The following XPC variants were observed in gnomAD, a reference collection of about 807,000 sequenced individuals.
The protein encoded by XPC is XPC complex subunit, DNA damage recognition and repair factor.
Under a neutral mutation model 95.8 loss-of-function variants are expected in XPC, and 76 were observed. The ratio of observed to expected loss-of-function variants is 0.79; its 90% CI spans 0.66 to 0.96. XPC has a LOEUF of 0.96. XPC is among the 40% of genes least tolerant of loss of function. The pLI is 0.00. For missense variants in XPC, 1,146 were observed against 1,179.8 expected (o/e 0.97, Z 0.42); for synonymous variants, 442 against 442.1 (o/e 1.00, Z 0.00).
intron 4 of XPC, among the ~76,000 whole-genome samples, chr3:14,167,907 G>C (rs1206736339): frequency 2.6e-5 from 4 of 152,310 alleles, no homozygotes; most frequent in Non-Finnish European, 1.5e-5. Context: ...AGAAGGATTA[G>C]GTCTCAGCTC....
intron 4 of XPC, 66 bp from the exon 5 acceptor site, chr3:14,167,319 G>A: frequency 2.9e-6 from 4 of 1,378,546 alleles, no homozygotes; most frequent in South Asian, 2.6e-5. Context: ...ACTCCCCCAG[G>A]CAATTCCTTC....
intron 9 of XPC, among the ~76,000 whole-genome samples, chr3:14,157,596 G>T (rs1695970089): frequency 6.6e-6 from 1 of 152,186 alleles, no homozygotes; most frequent in Non-Finnish European, 1.5e-5. Flanking sequence ...CCCAGGAGGT[G>T]AGTGTTCTAT....
At chr3:14,148,985 G>A in intron 11 of XPC, 37 bp from the exon 12 acceptor site, 1 of 1,610,950 alleles carries the variant, frequency 6.2e-7, no homozygotes, top group Non-Finnish European at 8.5e-7. Flanking sequence ...TACAACAAAG[G>A]CATCCAGTTC....
intron 5 of XPC, 104 bp from the exon 6 acceptor site, chr3:14,165,689 T>C (rs1274977839): frequency 1.5e-6 from 2 of 1,365,790 alleles, no homozygotes; most frequent in African/African-American, 1.4e-5. Context: ...GAAATATGTG[T>C]TGCCATTTCT....
chr3:14,167,204 G>A lies in XPC; in HGVS notation c.586C>T (p.Arg196Cys), dbSNP rs1431381385. The A allele has an allele frequency of 9.3e-6, 15 of 1,608,902 alleles. No homozygotes were observed. The highest frequency in any genetic ancestry group is 8.9e-5 in the South Asian group (8 of 90,140). ...FETYLRRAMKRFNKGVHEDTH... is the reference protein window; with the variant it reads ...FETYLRRAMKCFNKGVHEDTH... ...TCCTCATGGACCCCTTTATTGAAAC[G>A]TTTCATCGCCCTCCGAAGATATGTC... Residue 196 changes from arginine to cysteine, a missense_variant, in exon 5 of 16, where the codon CGT becomes TGT. Arg to Cys is a radical substitution (Grantham distance 180). Transcript: ENST00000285021.
chr3:14,147,899 T>A lies in XPC; in HGVS notation c.2514+9A>T. Reference sequence around the variant, plus strand: ...TTCTGCTGTCCCTCAGTCCTGCATATGCGCTTACCTCCTTCTCCTTCCTTT... The same window carrying A: ...TTCTGCTGTCCCTCAGTCCTGCATAAGCGCTTACCTCCTTCTCCTTCCTTT... On this transcript the variant is annotated intron_variant, in intron 14 of 15. Transcript: ENST00000285021. The A allele has an allele frequency of 6.3e-7, 1 of 1,591,602 alleles. No homozygotes were observed. Among genetic ancestry groups the A allele is most frequent in the Non-Finnish European group, 8.6e-7 (1 of 1,167,928 alleles).
Position 14,156,372 on chromosome 3 carries a change from T to C in XPC, c.1996A>G (p.Ile666Val). Residue 666 changes from isoleucine to valine, a missense_variant, in exon 10 of 16, where the codon ATC (isoleucine) becomes GTC (valine). Coordinates refer to ENST00000285021, the MANE Select transcript of XPC (RefSeq NM_004628.5). ...GCTTCTCCACGACAATACCCAAGGA[T>C]GGCAGCTGTCTCGGGATAGATGGCC... Reference protein sequence around the residue: ...YEAIYPETAAILGYCRGEAVY... With the variant: ...YEAIYPETAAVLGYCRGEAVY... 1 of 1,613,906 alleles carries C rather than the reference T, an allele frequency of 6.2e-7. No individual in the cohort carries two copies.
intron 9 of XPC, among the ~76,000 whole-genome samples, chr3:14,157,196 G>C (rs1452682617): frequency 6.6e-6 from 1 of 152,140 alleles, no homozygotes; most frequent in East Asian, 1.9e-4. Context: ...TCATTACTAA[G>C]TAAAATGAAC....
chr3:14,176,496 T>G (rs892439250), intron 1 of XPC, among the ~76,000 whole-genome samples: 1 of 152,250 alleles, frequency 6.6e-6, no homozygotes, highest in African/African-American at 2.4e-5. Context: ...CACTACTCTA[T>G]GATCCTCCAA....
Position 14,165,592 on chromosome 3 carries a change from A to G in XPC, c.622-7T>C. On this transcript the variant is annotated splice_region_variant and splice_polypyrimidine_tract_variant and intron_variant, in intron 5 of 15. Coordinates refer to ENST00000285021, the MANE Select transcript of XPC (RefSeq NM_004628.5). ...GCAGGCAGAGAAGGTGAACCTGTGA[A>G]GAGGAAAGGAGGAAGGGGCAGCATG... The G allele has an allele frequency of 1.2e-6, 2 of 1,613,216 alleles. No individual in the cohort carries two copies. Among genetic ancestry groups the G allele is most frequent in the Non-Finnish European group, 8.5e-7 (1 of 1,179,630 alleles).
In XPC at chr3:14,158,967, C is replaced by G; in HGVS notation, c.991-75G>C. On this transcript the variant is annotated intron_variant, in intron 8 of 15. Coordinates refer to ENST00000285021, the MANE Select transcript of XPC (RefSeq NM_004628.5). This position sits in a 1 kb window ranked among gnomAD's most constrained non-coding sequence, Gnocchi z 5.2. ...AATGATATGATAGAAATCCTGTAAT[C>G]TAATAGGGTTAAGTCACCAGCTAGA... 1 of 1,589,262 alleles carries G rather than the reference C, an allele frequency of 6.3e-7. No homozygotes were observed. Among genetic ancestry groups the G allele is most frequent in the South Asian group, 1.1e-5 (1 of 89,414 alleles).
chr3:14,177,595 G>A (rs775801250), intron 1 of XPC, among the ~76,000 whole-genome samples: 15 of 151,710 alleles, frequency 9.9e-5, no homozygotes, highest in Non-Finnish European at 1.9e-4. Context: ...AAACAGGAGA[G>A]GTAGCAAGAG....
chr3:14,150,865 T>G lies in XPC; in HGVS notation c.2115+1470A>C, dbSNP rs73142644. The stretch of plus-strand genomic sequence containing the variant: ...TGGGAGAACACTGGGACCTGGGGCC[T>G]AAGTCCTCTGGAATGCAGAGGCAGT... On this transcript the variant is annotated intron_variant, in intron 11 of 15. Coordinates refer to ENST00000285021, the MANE Select transcript of XPC (RefSeq NM_004628.5). 9.7e-3 allele frequency among the ~76,000 whole-genome samples: 1,472 copies of G among 152,244 alleles called. 28 individuals carry two copies. Among genetic ancestry groups the G allele is most frequent in the African/African-American group, 0.033 (1,377 of 41,516 alleles).
chr3:14,155,038 C>G (rs1418194436), intron 10 of XPC, among the ~76,000 whole-genome samples: 1 of 152,200 alleles, frequency 6.6e-6, no homozygotes, highest in Non-Finnish European at 1.5e-5. Context: ...TCTATCAGGG[C>G]AGCCCAGGCC....
intron 7 of XPC, among the ~76,000 whole-genome samples, chr3:14,160,261 C>A (rs1192679985): frequency 2.0e-5 from 3 of 152,108 alleles, no homozygotes; most frequent in Non-Finnish European, 4.4e-5. Context: ...AAATGAAATA[C>A]CACTTTGGGA....
chr3:14,147,247 A>G (rs1429001728), intron 15 of XPC, 43 bp downstream of exon 15: 1 of 1,570,320 alleles, frequency 6.4e-7, no homozygotes, highest in Admixed American at 1.9e-5. Flanking sequence ...TCTCCAAGAA[A>G]CTGACCCTGA....
At chr3:14,167,468 C>T (rs140423518) in intron 4 of XPC, among the ~76,000 whole-genome samples, 7 of 152,246 alleles carry the variant, frequency 4.6e-5, no homozygotes, top group Non-Finnish European at 1.0e-4. Context: ...CATTCTGTAC[C>T]CAGACAACCC....
chr3:14,156,651 G>A (rs536133208), intron 9 of XPC, among the ~76,000 whole-genome samples, 156 bp from the exon 10 acceptor site: 53 of 152,274 alleles, frequency 3.5e-4, no homozygotes, highest in African/African-American at 1.3e-3. Context: ...CTGTACCTCC[G>A]GCCAGTAAGT....
chr3:14,158,083 A>G lies in XPC; in HGVS notation c.1800T>C (p.Ala600=). 2 of 1,613,882 alleles carry G rather than the reference A, an allele frequency of 1.2e-6. No individual in the cohort carries two copies. The highest frequency in any genetic ancestry group is 1.1e-5 in the South Asian group (1 of 91,076). The change falls in exon 9 of 16, where the codon GCT becomes GCC. Residue 600 remains alanine (A), a synonymous_variant. Transcript: ENST00000285021. The surrounding 1 kb of genome is among the most constrained non-coding windows in gnomAD (Gnocchi z 5.2). ...MTVTRKCRVD[A]EWWAETLRPY... ...GTCTCAAGGTCTCGGCCCACCACTCAGCATCAACCCGGCACTTGCGGGTCA... is the reference window on the plus strand; with the variant it reads ...GTCTCAAGGTCTCGGCCCACCACTCGGCATCAACCCGGCACTTGCGGGTCA...
Sources: allele counts gnomAD v4.1 joint callset (sites outside exome capture counted in the v4.1 genomes callset), GRCh38; gene constraint gnomAD v4.1.1; non-coding constraint Gnocchi (gnomAD v3.1); transcripts MANE v1.5; gene names NCBI Gene and HGNC (gene_info 2026-07-23, HGNC 2026-07-21).